Variants in DDX31 observed in about 807,000 individuals in gnomAD.
DDX31 encodes DEAD-box helicase 31, also known as ATP-dependent DNA helicase DDX31.
Under a neutral mutation model 91.3 loss-of-function variants are expected in DDX31, and 70 were observed. The observed-to-expected ratio is 0.77, with a 90% confidence interval of 0.63 to 0.94. DDX31 has a LOEUF of 0.94. Ranked by LOEUF, DDX31 falls within the 40% of genes least tolerant of loss-of-function variation. DDX31 has a pLI of 0.00. For synonymous variants in DDX31, 362 were observed against 350.6 expected (o/e 1.03, Z -0.36); for missense variants, 902 against 925.0 (o/e 0.98, Z 0.32).
intron 15 of DDX31, 65 bp downstream of exon 15, chr9:132,631,976 C>A: frequency 7.1e-7 from 1 of 1,408,932 alleles, no homozygotes; most frequent in Non-Finnish European, 9.9e-7. Flanking sequence ...TACTTAAAGC[C>A]AATGCATCTA....
At chr9:132,632,151 G>C in intron 14 of DDX31, 60 bp from the exon 15 acceptor site, 1 of 1,502,776 alleles carries the variant, frequency 6.7e-7, no homozygotes, top group Non-Finnish European at 9.1e-7. Flanking sequence ...TGGGGTCCTG[G>C]ATATGTTTGA....
intron 15 of DDX31, among the ~76,000 whole-genome samples, chr9:132,631,584 A>G (rs1385008120): frequency 6.6e-6 from 1 of 152,236 alleles, no homozygotes; most frequent in Non-Finnish European, 1.5e-5. Context: ...CTCTAGTGCT[A>G]ACACCTGTAC....
chr9:132,611,717 T>C (rs1831351858), intron 19 of DDX31, among the ~76,000 whole-genome samples: 1 of 151,932 alleles, frequency 6.6e-6, no homozygotes, highest in Admixed American at 6.6e-5. Context: ...CTTCAGCAGC[T>C]CCTGGAATCT....
intron 7 of DDX31, among the ~76,000 whole-genome samples, 167 bp downstream of exon 7, chr9:132,652,281 T>A (rs1834240629): frequency 6.6e-6 from 1 of 152,226 alleles, no homozygotes; most frequent in East Asian, 1.9e-4. Context: ...AGAGACTACT[T>A]GAATTTTTCT....
chr9:132,622,139 T>G (rs1832068248), intron 17 of DDX31, among the ~76,000 whole-genome samples: 1 of 152,242 alleles, frequency 6.6e-6, no homozygotes, highest in Non-Finnish European at 1.5e-5. Flanking sequence ...CAGGGCACTT[T>G]ATACCTCGTT....
rs912688805 is a variant in DDX31 at position 132,593,263 on chromosome 9, G to A, written c.*1603C>T. On this transcript the variant is annotated 3_prime_UTR_variant, in exon 20 of 20. Transcript: ENST00000372159. The stretch of plus-strand genomic sequence containing the variant: ...CAGGGATGCCGAACTCTGCCAATTC[G>A]CCCTTTAGTGGAATGAGTACTGGGG... 6 of 152,110 alleles carry A rather than the reference G, an allele frequency of 3.9e-5. No homozygotes were observed. The highest frequency in any genetic ancestry group is 7.3e-5 in the Non-Finnish European group (5 of 68,044). The allele number at this position is 152,110 out of a possible 1,614,324, so 9.4% of individuals were successfully genotyped here.
At chr9:132,654,929 G>C (rs1232531815) in intron 6 of DDX31, among the ~76,000 whole-genome samples, 1 of 134,748 alleles carries the variant, frequency 7.4e-6, no homozygotes, top group Non-Finnish European at 1.5e-5. Context: ...CAGGGCAACA[G>C]AGCGAGACTC....
In DDX31 at chr9:132,667,561, C is replaced by T. The variant is rs562614262; in HGVS notation, c.75+2299G>A. Among the ~76,000 whole-genome samples the T allele has an allele frequency of 4.6e-5, 7 of 152,196 alleles. No individual in the cohort carries two copies. The South Asian group carries it at 1.5e-3, about 32-fold the overall frequency. On this transcript the variant is annotated intron_variant, in intron 1 of 19. Coordinates refer to ENST00000372159, the MANE Select transcript of DDX31 (RefSeq NM_022779.9). ...GAGCTTGCAGTGAGCAGAGATCGCG[C>T]CACTGCACTCCAGCCTGGGAGACAG...
intron 18 of DDX31, among the ~76,000 whole-genome samples, chr9:132,613,312 A>C (rs1016396102): frequency 3.9e-5 from 6 of 152,286 alleles, no homozygotes; most frequent in African/African-American, 1.4e-4. Flanking sequence ...AAAACTACTA[A>C]GTCTCTAAAA....
chr9:132,635,036 T>G (rs910945630), intron 14 of DDX31, among the ~76,000 whole-genome samples: 2 of 152,226 alleles, frequency 1.3e-5, no homozygotes, highest in Non-Finnish European at 2.9e-5. Flanking sequence ...AAAATGTTCC[T>G]GAGGACATCG....
intron 14 of DDX31, among the ~76,000 whole-genome samples, 187 bp from the exon 15 acceptor site, chr9:132,632,278 A>ACACACACACACACACAGTCCTG (rs1832830740): frequency 6.8e-6 from 1 of 146,462 alleles, no homozygotes; most frequent in African/African-American, 2.7e-5. Flanking sequence ...ACACACACAC[A>ACACACACACACACACAGTCCTG]CACACACACA....
chr9:132,653,288 G>C (rs920196845), intron 6 of DDX31, among the ~76,000 whole-genome samples: 1 of 151,760 alleles, frequency 6.6e-6, no homozygotes, highest in African/African-American at 2.4e-5. Flanking sequence ...GAGGTCAGGA[G>C]TTTGAGACCA....
intron 18 of DDX31, among the ~76,000 whole-genome samples, chr9:132,612,572 C>T (rs990004667): frequency 6.6e-5 from 10 of 152,078 alleles, no homozygotes; most frequent in African/African-American, 2.2e-4. Context: ...AGCAGGCACT[C>T]GGTAGATGTC....
chr9:132,597,441 CTT>C (rs139221586), intron 19 of DDX31, among the ~76,000 whole-genome samples: 2,130 of 152,312 alleles, frequency 0.014, 30 homozygotes, highest in Non-Finnish European at 0.022. Context: ...TTTCTTCCCT[CTT>C]GTTTGAAGCC....
intron 4 of DDX31, 105 bp downstream of exon 4, chr9:132,661,103 T>C: frequency 1.1e-6 from 1 of 936,840 alleles, no homozygotes; most frequent in East Asian, 2.4e-5. Context: ...CCTGGCACTG[T>C]GTTCCAACGC....
intron 13 of DDX31, among the ~76,000 whole-genome samples, chr9:132,644,021 AC>A (rs1833662634): frequency 6.6e-6 from 1 of 152,122 alleles, no homozygotes; most frequent in Admixed American, 6.5e-5. Context: ...AACCATGTCA[AC>A]CATCTAAGGA....
intron 13 of DDX31, among the ~76,000 whole-genome samples, chr9:132,643,733 T>A (rs1183731392): frequency 6.6e-6 from 1 of 152,202 alleles, no homozygotes; most frequent in Non-Finnish European, 1.5e-5. Context: ...CCCAGGGAGC[T>A]GTGTTCCGGA....
In DDX31 at chr9:132,610,897, A is replaced by G. The variant is rs78544807; in HGVS notation, c.1994+1190T>C. ...TCAGAACGGAGCCGACTTCAATCCAACTTCCCTGACTGCAAGACCAATGGT... is the reference window on the plus strand; with the variant it reads ...TCAGAACGGAGCCGACTTCAATCCAGCTTCCCTGACTGCAAGACCAATGGT... On this transcript the variant is annotated intron_variant, in intron 19 of 19. Coordinates refer to ENST00000372159, the MANE Select transcript of DDX31 (RefSeq NM_022779.9). Among the ~76,000 whole-genome samples the G allele has an allele frequency of 8.9e-3, 1,348 of 152,240 alleles. 24 individuals are homozygous for G. The highest frequency in any genetic ancestry group is 0.031 in the African/African-American group (1,287 of 41,518).
In DDX31 at chr9:132,648,213, A is replaced by G. The variant is rs147295548; in HGVS notation, c.943T>C (p.Leu315=). ...NAECQKRQNV[L]LSATLTEGVT... ...CCTTCTGTGAGTGTCGCTGATAGCAAGACATTCTGTCGTTTTTGGCATTCA... is the reference window on the plus strand; with the variant it reads ...CCTTCTGTGAGTGTCGCTGATAGCAGGACATTCTGTCGTTTTTGGCATTCA... The change falls in exon 11 of 20, where the codon TTG becomes CTG. Residue 315 remains leucine (L), a synonymous_variant. Coordinates refer to ENST00000372159, the MANE Select transcript of DDX31 (RefSeq NM_022779.9). The G allele has an allele frequency of 6.2e-7, 1 of 1,614,024 alleles. No homozygotes were observed. Among genetic ancestry groups the G allele is most frequent in the East Asian group, 2.2e-5 (1 of 44,892 alleles).
Sources: gnomAD v4.1 joint callset for allele counts (sites outside exome capture counted in the v4.1 genomes callset) on GRCh38, gnomAD v4.1.1 for gene constraint, MANE v1.5 for transcripts, NCBI Gene and HGNC (gene_info 2026-07-23, HGNC 2026-07-21) for gene names.